PATJ: variants seen among roughly 807,000 people sequenced by gnomAD.
PATJ encodes inaD-like protein.
PATJ carries 190 observed loss-of-function variants against 224.9 expected under a neutral mutation model. The observed-to-expected ratio is 0.84, with a 90% CI of 0.75 to 0.95. The LOEUF (loss-of-function observed/expected upper bound fraction) is 0.95, where lower values mean the gene tolerates loss of function less well. PATJ is among the 40% of genes least tolerant of loss of function. PATJ has a pLI of 0.00. For synonymous variants in PATJ, 769 were observed against 820.3 expected, an observed-to-expected ratio of 0.94 and a Z score of 1.07; for missense variants, 2,121 against 2,270.3, an observed-to-expected ratio of 0.93 and a Z score of 1.34.
At chr1:61,785,950 A>G (rs1477825249) in intron 7 of PATJ, among the ~76,000 whole-genome samples, 6 of 152,192 alleles carry the variant, frequency 3.9e-5, no homozygotes, top group Non-Finnish European at 7.3e-5. Flanking sequence ...TGTAATACAT[A>G]CCACCTAGCT....
intron 14 of PATJ, among the ~76,000 whole-genome samples, chr1:61,818,490 T>G (rs1039671111): frequency 6.6e-6 from 1 of 152,224 alleles, no homozygotes; most frequent in African/African-American, 2.4e-5. Context: ...AATGCTTGAT[T>G]TGTTTAGTTG....
intron 33 of PATJ, among the ~76,000 whole-genome samples, chr1:62,104,035 C>CAG (rs1326832948): frequency 1.3e-5 from 2 of 150,310 alleles, no homozygotes; most frequent in African/African-American, 4.9e-5. Context: ...TAATGGACTG[C>CAG]TTTTGGAATA....
rs940041214 is a variant in PATJ, at chr1:61,943,186, C to T, written c.3670+15357C>T. On this transcript the variant is annotated intron_variant, in intron 27 of 43. Transcript: ENST00000642238. ...AACAGCTCCAGTCTACAGCTCCCAG[C>T]GTGAACAACGCAGAAGTTGGGTGAT... 1.3e-4 allele frequency among the ~76,000 whole-genome samples: 20 copies of T among 152,314 alleles called. No homozygotes were observed. In the South Asian group the frequency reaches 1.7e-3, roughly 13 times the overall value.
At chr1:61,926,766 A>G (rs1675268367) in intron 26 of PATJ, among the ~76,000 whole-genome samples, 1 of 152,194 alleles carries the variant, frequency 6.6e-6, no homozygotes, top group Admixed American at 6.5e-5. Context: ...ATGACTCTCA[A>G]ATAGTATTTT....
At chr1:62,145,976 A>AAAT (rs1386951632) in intron 41 of PATJ, among the ~76,000 whole-genome samples, 1 of 152,118 alleles carries the variant, frequency 6.6e-6, no homozygotes, top group Non-Finnish European at 1.5e-5. Context: ...ATAAACAAAT[A>AAAT]AATAAATGAA....
chr1:61,764,256 AT>A (rs896611834), intron 3 of PATJ, among the ~76,000 whole-genome samples: 12 of 152,226 alleles, frequency 7.9e-5, no homozygotes, highest in African/African-American at 2.9e-4. Flanking sequence ...GCGTATTCTG[AT>A]TAGAAGTTCC....
chr1:61,838,646 A>T (rs1378530579), intron 17 of PATJ, among the ~76,000 whole-genome samples: 2 of 151,082 alleles, frequency 1.3e-5, no homozygotes, highest in African/African-American at 2.4e-5. Context: ...CTGGGATTAC[A>T]GGCGTGAGCC....
chr1:62,121,249 C>T lies in PATJ; in HGVS notation c.4959C>T (p.Asn1653=). 2 of 1,613,720 alleles carry T rather than the reference C, an allele frequency of 1.2e-6. No homozygotes were observed. Among genetic ancestry groups the T allele is most frequent in the Non-Finnish European group, 1.7e-6 (2 of 1,179,950 alleles). ...CTCCTGTCATCACTGGCCTGCAAAA[C>T]CTGGTTGGCACAAAAAGAGTTTCAG... ...SFAPVITGLQ[N]LVGTKRVSDP... is the part of the protein sequence containing the mutation. Residue 1653 remains asparagine, a synonymous_variant, in exon 38 of 44, where the codon AAC becomes AAT. Transcript: ENST00000642238.
intron 31 of PATJ, among the ~76,000 whole-genome samples, chr1:62,053,496 G>A (rs1654009703): frequency 1.3e-5 from 2 of 152,196 alleles, no homozygotes; most frequent in African/African-American, 4.8e-5. Context: ...AAGACAGGAG[G>A]ATCACCTGAG....
At chr1:61,798,264 G>C (rs1334373319) in intron 11 of PATJ, among the ~76,000 whole-genome samples, 1 of 152,030 alleles carries the variant, frequency 6.6e-6, no homozygotes. Context: ...GCATGTTCAT[G>C]GCTCACTGCC....
intron 26 of PATJ, among the ~76,000 whole-genome samples, chr1:61,920,826 C>T (rs936361130): frequency 3.3e-5 from 5 of 150,896 alleles, no homozygotes; most frequent in African/African-American, 9.8e-5. Context: ...CCTGCTGCAG[C>T]CTCCTGAGTA....
At chr1:61,894,787 C>T (rs1315286655) in intron 22 of PATJ, among the ~76,000 whole-genome samples, 1 of 152,206 alleles carries the variant, frequency 6.6e-6, no homozygotes, top group African/African-American at 2.4e-5. Flanking sequence ...GACTTTGGAA[C>T]TGGCTAACAG....
chr1:61,969,974 A>T (rs938701978), intron 27 of PATJ, among the ~76,000 whole-genome samples: 2 of 152,084 alleles, frequency 1.3e-5, no homozygotes, highest in Admixed American at 1.3e-4. Context: ...GATTACAGAC[A>T]TGAGCCACCG....
intron 27 of PATJ, among the ~76,000 whole-genome samples, chr1:61,937,136 A>G (rs529987559): frequency 2.0e-5 from 3 of 152,158 alleles, no homozygotes; most frequent in South Asian, 2.1e-4. Context: ...GTGCACACAC[A>G]TATACACACA....
intron 41 of PATJ, among the ~76,000 whole-genome samples, chr1:62,148,060 A>G (rs893421344): frequency 2.8e-5 from 4 of 145,184 alleles, no homozygotes; most frequent in African/African-American, 1.0e-4. Flanking sequence ...GGTCAAGGCT[A>G]CAGAGAGCCA....
chr1:62,125,270 A>C (rs552764030), intron 39 of PATJ, among the ~76,000 whole-genome samples: 4 of 148,958 alleles, frequency 2.7e-5, no homozygotes, highest in South Asian at 2.1e-4. Context: ...AAAACAAAAA[A>C]AAAACGCCAT....
chr1:62,035,019 C>T (rs537370062), intron 29 of PATJ, among the ~76,000 whole-genome samples: 1 of 152,266 alleles, frequency 6.6e-6, no homozygotes, highest in African/African-American at 2.4e-5. Context: ...CAGACATGGC[C>T]TGTTGGCTTT....
chr1:61,758,609 A>G (rs1402370367), intron 1 of PATJ, among the ~76,000 whole-genome samples: 4 of 152,114 alleles, frequency 2.6e-5, no homozygotes, highest in African/African-American at 9.7e-5. Context: ...GACCTCCCAA[A>G]GTGCTGGGAT....
intron 43 of PATJ, 63 bp downstream of exon 43, chr1:62,153,544 GTGCTT>G (rs1424768715): frequency 6.3e-6 from 7 of 1,107,314 alleles, no homozygotes; most frequent in African/African-American, 4.9e-5. Context: ...TTTCTTTTAA[GTGCTT>G]TGCTTTGCTT....
Sources: gnomAD v4.1 joint callset for allele counts (sites outside exome capture counted in the v4.1 genomes callset) on GRCh38, gnomAD v4.1.1 for gene constraint, MANE v1.5 for transcripts, NCBI Gene and HGNC (gene_info 2026-07-23, HGNC 2026-07-21) for gene names.